Variants in CPS1 observed in about 807,000 individuals in gnomAD.
CPS1 encodes the protein carbamoyl-phosphate synthase [ammonia], mitochondrial.
CPS1 carries 109 observed loss-of-function variants against 174.6 expected under a neutral mutation model. That is an observed-to-expected ratio of 0.62 (90% CI 0.53 to 0.73). The LOEUF (loss-of-function observed/expected upper bound fraction) is 0.73, where lower values mean the gene tolerates loss of function less well. CPS1 is among the 30% of genes least tolerant of loss of function. CPS1 has a pLI of 0.00. For synonymous variants in CPS1, 637 were observed against 632.0 expected (o/e 1.01, Z -0.12); for missense variants, 1,689 against 1,821.9 (o/e 0.93, Z 1.33).
chr2:210,668,368 G>C lies in CPS1; in HGVS notation c.4101+84G>C. On this transcript the variant is annotated intron_variant, in intron 34 of 37. Coordinates refer to ENST00000233072, the MANE Select transcript of CPS1 (RefSeq NM_001875.5). ...AGGATAGAATGTTAATTGTGGTATAGAGGAAGGGAGATTTGTTTTACGTTT... is the reference window on the plus strand; with the variant it reads ...AGGATAGAATGTTAATTGTGGTATACAGGAAGGGAGATTTGTTTTACGTTT... The C allele has an allele frequency of 9.7e-6, 9 of 928,498 alleles. No homozygotes were observed. In the South Asian group the frequency reaches 1.2e-4, roughly 12 times the overall value. The allele number at this position is 928,498 out of a possible 1,614,324, so 57.5% of individuals were successfully genotyped here.
chr2:210,621,157 G>A (rs1197862317), intron 21 of CPS1, among the ~76,000 whole-genome samples: 1 of 152,066 alleles, frequency 6.6e-6, no homozygotes, highest in Non-Finnish European at 1.5e-5. Flanking sequence ...GACTGTTCTA[G>A]GCAGTTCCCC....
chr2:210,519,803 G>A lies in CPS1; in HGVS notation c.4-36916G>A, dbSNP rs556742125. On this transcript the variant is annotated intron_variant, in intron 1 of 38. Transcript: ENST00000430249. ...GGAAGAGGTATTTGGCTTTGTTGGCGGGGAGGGCAATGATTTATGCAAAAG... is the reference window on the plus strand; with the variant it reads ...GGAAGAGGTATTTGGCTTTGTTGGCAGGGAGGGCAATGATTTATGCAAAAG... 2.3e-4 allele frequency: 223 copies of A among 984,952 alleles called. 2 individuals are homozygous for A. In the South Asian group the frequency reaches 8.0e-3, roughly 35 times the overall value. 61.0% of individuals were successfully genotyped at this position (984,952 alleles called of 1,614,324 possible). A position where few individuals can be genotyped will look rare whatever the true frequency, so the allele number is the denominator to read the frequency against.
intron 1 of CPS1, among the ~76,000 whole-genome samples, chr2:210,563,077 T>G (rs369719712): frequency 3.4e-4 from 52 of 152,200 alleles, no homozygotes; most frequent in Non-Finnish European, 6.8e-4. Flanking sequence ...ATTAGCAAAT[T>G]TGGTTAGAAT....
chr2:210,617,672 A>C lies in CPS1; in HGVS notation c.2687+1131A>C, dbSNP rs943523878. On this transcript the variant is annotated intron_variant, in intron 21 of 37. Coordinates refer to ENST00000233072, the MANE Select transcript of CPS1 (RefSeq NM_001875.5). ...TTGGTTTTGAAAACTGAGGAATTCTATCTGACAAAGATGAAACCAGCTATA... is the reference window on the plus strand; with the variant it reads ...TTGGTTTTGAAAACTGAGGAATTCTCTCTGACAAAGATGAAACCAGCTATA... 3 of 152,166 alleles carry C rather than the reference A, an allele frequency of 2.0e-5. No individual in the cohort carries two copies. In the South Asian group the frequency reaches 6.2e-4, roughly 32 times the overall value. The allele number at this position is 152,166 out of a possible 1,614,324, so 9.4% of individuals were successfully genotyped here.
chr2:210,504,444 C>T (rs1695226590), intron 1 of CPS1, among the ~76,000 whole-genome samples: 1 of 152,224 alleles, frequency 6.6e-6, no homozygotes, highest in Non-Finnish European at 1.5e-5. Flanking sequence ...CATTAATCCT[C>T]ACATCAGTGT....
intron 2 of CPS1, among the ~76,000 whole-genome samples, chr2:210,574,888 G>A (rs1221074829): frequency 6.6e-6 from 1 of 151,854 alleles, no homozygotes; most frequent in African/African-American, 2.4e-5. Flanking sequence ...TTTTTTTGAT[G>A]TAGGAAAAGG....
chr2:210,644,121 C>T (rs1700306357), intron 25 of CPS1, among the ~76,000 whole-genome samples: 1 of 151,946 alleles, frequency 6.6e-6, no homozygotes, highest in Admixed American at 6.6e-5. Context: ...TCTATGACTG[C>T]TTTTGGATAC....
chr2:210,651,316 C>T (rs185970429), intron 28 of CPS1, among the ~76,000 whole-genome samples: 85 of 152,176 alleles, frequency 5.6e-4, no homozygotes, highest in African/African-American at 2.0e-3. Context: ...ATAGCTGCTC[C>T]CCAAGGATGT....
At chr2:210,648,140 G>A in intron 26 of CPS1, 83 bp downstream of exon 26, 2 of 1,382,836 alleles carry the variant, frequency 1.4e-6, no homozygotes, top group Non-Finnish European at 2.1e-6. Flanking sequence ...TTGACTATTG[G>A]ATATGTTAAC....
intron 1 of CPS1, among the ~76,000 whole-genome samples, chr2:210,532,811 C>T (rs1299362026): frequency 6.6e-6 from 1 of 152,098 alleles, no homozygotes; most frequent in Non-Finnish European, 1.5e-5. Flanking sequence ...ACCAACTGGG[C>T]AGAGGGCCAA....
chr2:210,633,136 C>T (rs1247432198), intron 21 of CPS1, among the ~76,000 whole-genome samples: 1 of 152,168 alleles, frequency 6.6e-6, no homozygotes, highest in African/African-American at 2.4e-5. Flanking sequence ...AAGTATCATT[C>T]ACAATCATTA....
intron 15 of CPS1, 93 bp from the exon 16 acceptor site, chr2:210,602,109 G>A (rs532328526): frequency 1.0e-4 from 154 of 1,469,438 alleles, no homozygotes; most frequent in Non-Finnish European, 1.3e-4. Context: ...CCCCACATAA[G>A]TTGGTTTACC....
At chr2:210,676,472 G>A (rs1283956641) in intron 36 of CPS1, among the ~76,000 whole-genome samples, 2 of 152,218 alleles carry the variant, frequency 1.3e-5, no homozygotes, top group Non-Finnish European at 2.9e-5. Flanking sequence ...CAGAATGGCT[G>A]TGCCATTCTA....
At chr2:210,528,483 G>A (rs1696031971) in intron 1 of CPS1, among the ~76,000 whole-genome samples, 1 of 151,730 alleles carries the variant, frequency 6.6e-6, no homozygotes, top group East Asian at 1.9e-4. Flanking sequence ...TATTGGTTAA[G>A]GTTCTTCTGG....
At chr2:210,556,523 A>AT, upstream of CPS1, 4 of 1,439,966 alleles carry the variant, frequency 2.8e-6, no homozygotes, top group Non-Finnish European at 2.8e-6. Flanking sequence ...ATCTCTGGAC[A>AT]TTACCTCAGG....
chr2:210,660,438 A>T, intron 31 of CPS1, 47 bp from the exon 32 acceptor site: 2 of 1,557,284 alleles, frequency 1.3e-6, no homozygotes, highest in Non-Finnish European at 1.8e-6. Flanking sequence ...TATTGTTGTT[A>T]CTGGCTCTCA....
intron 1 of CPS1, among the ~76,000 whole-genome samples, chr2:210,490,641 C>T (rs1385034635): frequency 6.6e-6 from 1 of 152,116 alleles, no homozygotes; most frequent in Non-Finnish European, 1.5e-5. Context: ...TAGGATATAT[C>T]CAAAGTGGAA....
intron 1 of CPS1, among the ~76,000 whole-genome samples, chr2:210,516,611 C>G (rs1509821): frequency 6.6e-6 from 1 of 151,850 alleles, no homozygotes; most frequent in Admixed American, 6.6e-5. Flanking sequence ...GCCTTTAGGA[C>G]GAAACTAAAC....
In CPS1 at chr2:210,674,932, G is replaced by A. The variant is rs1245373037; in HGVS notation, c.4132G>A (p.Ala1378Thr). 2 of 1,613,868 alleles carry A rather than the reference G, an allele frequency of 1.2e-6. No homozygotes were observed. Among genetic ancestry groups the A allele is most frequent in the African/African-American group, 1.3e-5 (1 of 75,040 alleles). Residue 1378 changes from alanine to threonine, a missense_variant, in exon 35 of 38, where the codon GCT becomes ACT. Coordinates refer to ENST00000233072, the MANE Select transcript of CPS1 (RefSeq NM_001875.5). Reference protein sequence around the residue: ...QSFRPRFLGVAEQLHNEGFKL... With the variant: ...QSFRPRFLGVTEQLHNEGFKL... ...ATTCCGGCCAAGATTCCTTGGTGTG[G>A]CTGAACAATTACACAATGAAGGTTT...
Sources: gnomAD v4.1 joint callset for allele counts (sites outside exome capture counted in the v4.1 genomes callset) on GRCh38, gnomAD v4.1.1 for gene constraint, MANE v1.5 for transcripts, NCBI Gene and HGNC (gene_info 2026-07-23, HGNC 2026-07-21) for gene names.